Variants in ATM observed in about 807,000 individuals in gnomAD.
ATM encodes the protein ATM serine/threonine kinase, also known as serine-protein kinase ATM.
In ATM, 308 loss-of-function variants were observed where a neutral mutation model predicts 387.0. The observed-to-expected ratio is 0.80, with a 90% CI of 0.73 to 0.87. ATM has a LOEUF of 0.87. Ranked by LOEUF, ATM falls within the 40% of genes least tolerant of loss-of-function variation. ATM has a pLI of 0.00. For missense variants in ATM, 3,312 were observed against 3,560.9 expected, an observed-to-expected ratio of 0.93 and a Z score of 1.78; for synonymous variants, 1,156 against 1,187.3, an observed-to-expected ratio of 0.97 and a Z score of 0.54.
chr11:108,240,047 C>T (rs146410877), intron 5 of ATM, among the ~76,000 whole-genome samples: 14 of 152,326 alleles, frequency 9.2e-5, no homozygotes, highest in Admixed American at 2.6e-4. Flanking sequence ...GCCCTACTGT[C>T]AACATCTTGC....
intron 16 of ATM, among the ~76,000 whole-genome samples, chr11:108,260,030 CTTTTTTTT>C (rs754362678): frequency 1.1e-5 from 1 of 94,614 alleles, no homozygotes; most frequent in Non-Finnish European, 2.1e-5. Context: ...CTTATCTGCT[CTTTTTTTT>C]TTTTTTTTTT....
rs780396420 is a variant in ATM at position 108,282,874 on chromosome 11, C to T, written c.3741C>T (p.Phe1247=). The change falls in exon 25 of 63, where the codon TTC becomes TTT. Residue 1247 remains phenylalanine, a synonymous_variant. Transcript: ENST00000675843. ...TAAACTACACAAATATTGAGGATTT[C>T]TATAGGTAAGTTTATACATGACATA... ...ILLNYTNIED[F]YRSCYKVLIP... The T allele has an allele frequency of 6.7e-7, 1 of 1,483,242 alleles. No homozygotes were observed. The highest frequency in any genetic ancestry group is 9.4e-7 in the Non-Finnish European group (1 of 1,065,722). The allele number at this position is 1,483,242 out of a possible 1,614,324, so 91.9% of individuals were successfully genotyped here.
rs898003667 is a variant in ATM at position 108,327,642 on chromosome 11, C to G, written c.6976-3C>G. 2 of 1,612,076 alleles carry G rather than the reference C, an allele frequency of 1.2e-6. No individual in the cohort carries two copies. Among genetic ancestry groups the G allele is most frequent in the Admixed American group, 3.3e-5 (2 of 59,990 alleles). On this transcript the variant is annotated splice_region_variant and splice_polypyrimidine_tract_variant and intron_variant, in intron 47 of 62. Coordinates refer to ENST00000675843, the MANE Select transcript of ATM (RefSeq NM_000051.4). ...ATTTTAAGATTTTGCCTTTCTTATA[C>G]AGAACAATCCCAGCCTAAAACTTAC...
intron 58 of ATM, 114 bp from the exon 59 acceptor site, chr11:108,347,158 GCTAAAAA>G: frequency 2.5e-6 from 2 of 811,092 alleles, no homozygotes; most frequent in East Asian, 5.1e-5. Flanking sequence ...ATTTAAGTAG[GCTAAAAA>G]TCCTAAACTA....
chr11:108,360,582 C>A (rs227043), intron 61 of ATM, among the ~76,000 whole-genome samples: 81,695 of 136,298 alleles, frequency 0.6, 24,979 homozygotes, highest in Middle Eastern at 0.75. Context: ...GCAGCACATC[C>A]AAAAGCTTAT....
At chr11:108,229,678 G>A (rs1050716195) in intron 4 of ATM, 2 of 221,178 alleles carry the variant, frequency 9.0e-6, no homozygotes, top group Non-Finnish European at 1.8e-5. Context: ...TCTGAGGATT[G>A]AAGGGATTTA....
Position 108,249,064 on chromosome 11 carries a change from C to T in ATM, c.1197C>T (p.His399=), listed in dbSNP as rs786201131. ...IELGWEVIKD[H]LQKSQNDFDL... The stretch of plus-strand genomic sequence containing the variant: ...TAGGCTGGGAAGTAATAAAAGATCA[C>T]CTTCAGAAGTCACAGAATGATTTTG... The change falls in exon 9 of 63, where the codon CAC becomes CAT. Residue 399 remains histidine (H), a synonymous_variant. Coordinates refer to ENST00000675843, the MANE Select transcript of ATM (RefSeq NM_000051.4). 14 of 1,613,720 alleles carry T rather than the reference C, an allele frequency of 8.7e-6. No individual in the cohort carries two copies. The highest frequency in any genetic ancestry group is 1.3e-5 in the African/African-American group (1 of 74,828).
intron 60 of ATM, among the ~76,000 whole-genome samples, chr11:108,354,337 A>G (rs945689728): frequency 1.3e-5 from 2 of 152,106 alleles, no homozygotes; most frequent in South Asian, 2.1e-4. Context: ...TAATGATCCA[A>G]ACTACTATTG....
intron 30 of ATM, among the ~76,000 whole-genome samples, chr11:108,293,042 C>A (rs992173042): frequency 6.6e-6 from 1 of 152,106 alleles, no homozygotes; most frequent in Non-Finnish European, 1.5e-5. Context: ...CAGTTCGCAA[C>A]GTTATGGTGG....
At chr11:108,355,165 A>C (rs1469797537) in intron 61 of ATM, 1 of 380,602 alleles carries the variant, frequency 2.6e-6, no homozygotes, top group African/African-American at 2.0e-5. Flanking sequence ...ATATGGTATT[A>C]TTATTTTCAG....
chr11:108,265,198 A>G (rs974337123), intron 16 of ATM, among the ~76,000 whole-genome samples: 55 of 151,910 alleles, frequency 3.6e-4, no homozygotes, highest in Non-Finnish European at 5.6e-4. Flanking sequence ...CAAAAGAACA[A>G]AGCTGGAGGC....
At chr11:108,313,690 G>A (rs537732659) in intron 40 of ATM, among the ~76,000 whole-genome samples, 6 of 152,102 alleles carry the variant, frequency 3.9e-5, no homozygotes, top group African/African-American at 1.2e-4. Flanking sequence ...GCTAAGCATG[G>A]GTACTGAACT....
intron 50 of ATM, chr11:108,331,052 G>T: frequency 2.0e-6 from 1 of 499,626 alleles, no homozygotes; most frequent in Non-Finnish European, 2.7e-6. Context: ...CTCTGCTGTA[G>T]TATACACTAA....
rs541709110 is a variant in ATM, at chr11:108,363,742, C to T, written c.8851-1340C>T. Among the ~76,000 whole-genome samples the T allele has an allele frequency of 5.9e-5, 9 of 152,324 alleles. No individual in the cohort carries two copies. In the South Asian group the frequency reaches 1.9e-3, roughly 32 times the overall value. On this transcript the variant is annotated intron_variant, in intron 61 of 62. Transcript: ENST00000675843. Reference sequence around the variant, plus strand: ...TTCCAACCACTTCTGTCTTGTCAGACTGAAACATAATTTTTTACTTATTCC... The same window carrying T: ...TTCCAACCACTTCTGTCTTGTCAGATTGAAACATAATTTTTTACTTATTCC...
At chr11:108,272,012 A>G (rs994739349) in intron 20 of ATM, among the ~76,000 whole-genome samples, 26 of 152,156 alleles carry the variant, frequency 1.7e-4, no homozygotes, top group Non-Finnish European at 1.5e-4. Context: ...AGCTATGATT[A>G]CAGGCTCCCA....
At chr11:108,281,991 G>T (rs2082258276) in intron 24 of ATM, among the ~76,000 whole-genome samples, 1 of 151,974 alleles carries the variant, frequency 6.6e-6, no homozygotes, top group Non-Finnish European at 1.5e-5. Context: ...TGAAAGACAG[G>T]GTCTCACTCT....
chr11:108,353,504 T>C (rs550961009), intron 59 of ATM, among the ~76,000 whole-genome samples: 56 of 152,294 alleles, frequency 3.7e-4, no homozygotes, highest in Non-Finnish European at 6.2e-4. Context: ...CAGTAGTTAC[T>C]TCATTTTTAA....
In ATM at chr11:108,293,354, T is replaced by A. The variant is rs2082915572; in HGVS notation, c.4653T>A (p.Asp1551Glu). 3 of 1,587,474 alleles carry A rather than the reference T, an allele frequency of 1.9e-6. No individual in the cohort carries two copies. The highest frequency in any genetic ancestry group is 2.6e-6 in the Non-Finnish European group (3 of 1,158,294). Residue 1551 changes from aspartate to glutamate, a missense_variant, in exon 31 of 63, where the codon GAT becomes GAA. Physicochemically the swap from Asp to Glu is conservative, Grantham distance 45 (BLOSUM62 2). Coordinates refer to ENST00000675843, the MANE Select transcript of ATM (RefSeq NM_000051.4). ...LLKYLVIDNK[D>E]NENLYITIKL... ...AATACTTAGTGATAGATAACAAGGA[T>A]AATGAAAACCTCTATATCACGATTA... is the stretch of plus-strand genomic sequence containing the variant.
Position 108,244,104 on chromosome 11 carries a change from T to A in ATM, c.648T>A (p.Ala216=), listed in dbSNP as rs770270310. Reference sequence around the variant, plus strand: ...AATTTTTGGACTTTTTTTCCAAGGCTATTCAGTGTGCGAGGTAATCTAATC... The same window carrying A: ...AATTTTTGGACTTTTTTTCCAAGGCAATTCAGTGTGCGAGGTAATCTAATC... ...NSKFLDFFSK[A]IQCARQEKSS... The change falls in exon 6 of 63, where the codon GCT becomes GCA. Residue 216 remains alanine (A), a synonymous_variant. Transcript: ENST00000675843. The A allele has an allele frequency of 6.2e-7, 1 of 1,613,880 alleles. No homozygotes were observed. Among genetic ancestry groups the A allele is most frequent in the Non-Finnish European group, 8.5e-7 (1 of 1,179,872 alleles).
Sources: gnomAD v4.1 joint callset for allele counts (sites outside exome capture counted in the v4.1 genomes callset) on GRCh38, gnomAD v4.1.1 for gene constraint, MANE v1.5 for transcripts, NCBI Gene and HGNC (gene_info 2026-07-23, HGNC 2026-07-21) for gene names.